The following KSR1 variants were observed in gnomAD, a reference collection of about 807,000 sequenced individuals.
KSR1 encodes the protein kinase suppressor of ras 1.
A neutral mutation model predicts 92.9 loss-of-function variants in KSR1; 35 were observed. The observed-to-expected ratio is 0.38, with a 90% CI of 0.29 to 0.50. KSR1 has a LOEUF of 0.50. Among genes scored for constraint, KSR1 ranks in the 20% least tolerant of loss-of-function variants. The pLI, the probability that KSR1 is intolerant of heterozygous loss-of-function variation, is 0.94. For synonymous variants in KSR1, 467 were observed against 472.6 expected (o/e 0.99, Z 0.15); for missense variants, 972 against 1,158.5 (o/e 0.84, Z 2.34).
intron 1 of KSR1, among the ~76,000 whole-genome samples, chr17:27,509,148 A>T (rs758214654): frequency 2.6e-5 from 4 of 152,186 alleles, no homozygotes; most frequent in African/African-American, 9.7e-5. Flanking sequence ...AGTTTCCTAC[A>T]TTCCAGGCAT....
At chr17:27,516,791 C>T (rs1295787442) in intron 1 of KSR1, among the ~76,000 whole-genome samples, 1 of 152,132 alleles carries the variant, frequency 6.6e-6, no homozygotes, top group East Asian at 1.9e-4. Context: ...ATGACAGCTT[C>T]AGGAGGTCCT....
At chr17:27,545,911 T>C (rs1262950554) in intron 1 of KSR1, among the ~76,000 whole-genome samples, 1 of 152,160 alleles carries the variant, frequency 6.6e-6, no homozygotes, top group Non-Finnish European at 1.5e-5. Context: ...GTGGCGAAAG[T>C]CTTGTGCAAA....
At chr17:27,549,518 G>A (rs999716652) in intron 1 of KSR1, among the ~76,000 whole-genome samples, 22 of 152,340 alleles carry the variant, frequency 1.4e-4, no homozygotes, top group East Asian at 3.9e-4. Context: ...AGTGTTTGTC[G>A]GGTTTACCCA....
At chr17:27,475,478 G>A (rs533065517) in intron 1 of KSR1, among the ~76,000 whole-genome samples, 4 of 152,290 alleles carry the variant, frequency 2.6e-5, no homozygotes, top group Admixed American at 2.6e-4. Flanking sequence ...GCGCTGGCCC[G>A]GGGCAGGCTG....
chr17:27,566,287 C>T (rs991376792), intron 2 of KSR1: 7 of 391,658 alleles, frequency 1.8e-5, no homozygotes, highest in African/African-American at 1.2e-4. Flanking sequence ...AGCACCTGCC[C>T]CGGGAAGTAT....
chr17:27,610,321 A>G, intron 17 of KSR1, 123 bp downstream of exon 17: 1 of 1,342,154 alleles, frequency 7.5e-7, no homozygotes, highest in Non-Finnish European at 1.0e-6. Flanking sequence ...GTAAAAAATC[A>G]ACCTTGAGTC....
rs561701161 is a variant in KSR1, at chr17:27,508,694, T to A, written c.232-41874T>A. ...CTTCACTGGGCCCTCTTTCCTAGGT[T>A]TGGGCCTGAATTTTTTTTATTTATT... On this transcript the variant is annotated intron_variant, in intron 1 of 20. Transcript: ENST00000644974. Among the ~76,000 whole-genome samples, 7 of 147,880 alleles carry A rather than the reference T, an allele frequency of 4.7e-5. No homozygotes were observed. The South Asian group carries it at 1.5e-3, about 32-fold the overall frequency.
chr17:27,477,539 TCA>T (rs1164260921), intron 1 of KSR1, among the ~76,000 whole-genome samples: 3 of 152,156 alleles, frequency 2.0e-5, no homozygotes, highest in Non-Finnish European at 4.4e-5. Context: ...AGTTTCTTTG[TCA>T]CAGCTCACTG....
rs374962091 is a variant in KSR1, at chr17:27,538,283, C to T, written c.232-12285C>T. Among the ~76,000 whole-genome samples the T allele has an allele frequency of 1.4e-3, 216 of 152,322 alleles. 1 individual carries two copies. Among genetic ancestry groups the T allele is most frequent in the Non-Finnish European group, 2.5e-3 (170 of 68,036 alleles). On this transcript the variant is annotated intron_variant, in intron 1 of 20. Transcript: ENST00000644974. ...AATGAGTCTGGAGTTAGGTGGCACA[C>T]GTGTGCTGGTTTTGCAGCTGAACAG...
At position 27,624,819 on chromosome 17, in the gene KSR1, C is replaced by T. The variant is rs886861114; in HGVS notation, c.*1427C>T. Reference sequence around the variant, plus strand: ...CCCACCCCTTCCAGTTAAGACCTGCCTAGCAGAGCCCCAGTCTCCAGCCCC... The same window carrying T: ...CCCACCCCTTCCAGTTAAGACCTGCTTAGCAGAGCCCCAGTCTCCAGCCCC... On this transcript the variant is annotated 3_prime_UTR_variant, in exon 21 of 21. Coordinates refer to ENST00000644974, the MANE Select transcript of KSR1 (RefSeq NM_001394583.1). The T allele has an allele frequency of 6.6e-6, 1 of 152,202 alleles. No individual in the cohort carries two copies. The highest frequency in any genetic ancestry group is 2.4e-5 in the African/African-American group (1 of 41,438). 9.4% of individuals were successfully genotyped at this position (152,202 alleles called of 1,614,324 possible).
chr17:27,461,116 C>G (rs941440542), intron 1 of KSR1, among the ~76,000 whole-genome samples: 1 of 152,186 alleles, frequency 6.6e-6, no homozygotes, highest in African/African-American at 2.4e-5. Context: ...GAGTCCCACT[C>G]TGTCGCCCAG....
chr17:27,555,181 C>T (rs1032243875), intron 2 of KSR1, among the ~76,000 whole-genome samples: 1 of 152,152 alleles, frequency 6.6e-6, no homozygotes, highest in Non-Finnish European at 1.5e-5. Context: ...ATGACGTTGA[C>T]ACTACTTTGT....
chr17:27,588,457 C>T lies in KSR1; in HGVS notation c.986-18C>T, dbSNP rs779062801. The T allele has an allele frequency of 3.5e-5, 54 of 1,564,008 alleles. No individual in the cohort carries two copies. The highest frequency in any genetic ancestry group is 8.4e-5 in the South Asian group (7 of 82,982). ...TGCGGAGTTCCTCAGCCTGCCCATC[C>T]GGCCTCTTTCCCTGCAGATCTCTCG... On this transcript the variant is annotated intron_variant, in intron 5 of 20. Transcript: ENST00000644974.
intron 5 of KSR1, 29 bp downstream of exon 5, chr17:27,585,690 A>G: frequency 1.3e-6 from 1 of 757,054 alleles, no homozygotes; most frequent in South Asian, 1.4e-5. Context: ...CATCCCCTCT[A>G]CCACCTGGGA....
In KSR1 at chr17:27,623,552, G is replaced by A. The variant is rs1212020755; in HGVS notation, c.*160G>A. The A allele has an allele frequency of 1.5e-6, 1 of 663,592 alleles. No individual in the cohort carries two copies. The highest frequency in any genetic ancestry group is 2.7e-6 in the Non-Finnish European group (1 of 371,808). The allele number at this position is 663,592 out of a possible 1,614,324, so 41.1% of individuals were successfully genotyped here. A position where few individuals can be genotyped will look rare whatever the true frequency, so the allele number is the denominator to read the frequency against. ...TGTTGGCCATAAACCCCACTCGGGAGATGGAGCTGCACCTGCTATTTCTTA... is the reference window on the plus strand; with the variant it reads ...TGTTGGCCATAAACCCCACTCGGGAAATGGAGCTGCACCTGCTATTTCTTA... On this transcript the variant is annotated 3_prime_UTR_variant, in exon 21 of 21. Transcript: ENST00000644974.
chr17:27,598,111 G>T lies in KSR1; in HGVS notation c.1468+675G>T, dbSNP rs535651733. On this transcript the variant is annotated intron_variant, in intron 10 of 20. Transcript: ENST00000644974. ...CCTGCCCTCAGCTGCTGGCCTGGGG[G>T]TGTCTGCCTCTCCAAGCAGCAGAGT... is the stretch of plus-strand genomic sequence containing the variant. Among the ~76,000 whole-genome samples the T allele has an allele frequency of 2.6e-5, 4 of 152,306 alleles. No individual in the cohort carries two copies. In the South Asian group the frequency reaches 8.3e-4, roughly 32 times the overall value.
At chr17:27,539,444 TCTGTTG>T (rs2070876742) in intron 1 of KSR1, among the ~76,000 whole-genome samples, 1 of 152,174 alleles carries the variant, frequency 6.6e-6, no homozygotes, top group Non-Finnish European at 1.5e-5. Context: ...AGACCTGCTG[TCTGTTG>T]CTTTGCCTTT....
rs368798861 is a variant in KSR1, at chr17:27,583,099, C to G, written c.974C>G (p.Ser325Trp). The G allele has an allele frequency of 1.2e-5, 18 of 1,549,974 alleles. No homozygotes were observed. The highest frequency in any genetic ancestry group is 1.4e-5 in the Non-Finnish European group (16 of 1,144,774). ...QLGNRIDDVS[S>W]MRFDLSHGSP... Reference sequence around the variant, plus strand: ...GGGAACCGCATTGATGACGTCTCCTCGATGAGGTGAGTGCTCCTTCTGGGC... The same window carrying G: ...GGGAACCGCATTGATGACGTCTCCTGGATGAGGTGAGTGCTCCTTCTGGGC... The change falls in exon 4 of 21, where the codon TCG becomes TGG. Residue 325 changes from serine (S) to tryptophan (W), a missense_variant. This residue lies in a region of KSR1 where 611 missense variants were observed against 668.0 expected (regional missense o/e 0.91). Coordinates refer to ENST00000644974, the MANE Select transcript of KSR1 (RefSeq NM_001394583.1).
intron 2 of KSR1, among the ~76,000 whole-genome samples, chr17:27,564,003 T>TTTTTTTC (rs1245359693): frequency 6.9e-6 from 1 of 145,008 alleles, no homozygotes; most frequent in African/African-American, 2.6e-5. Context: ...TTTTTTTTTT[T>TTTTTTTC]TTTGAGATGG....
Sources: gnomAD v4.1 joint callset for allele counts (sites outside exome capture counted in the v4.1 genomes callset) on GRCh38, gnomAD v4.1.1 for gene constraint, gnomAD v4.1.1 regional missense constraint, MANE v1.5 for transcripts, NCBI Gene and HGNC (gene_info 2026-07-23, HGNC 2026-07-21) for gene names.